Variants in PLEKHG4 observed in about 807,000 individuals in gnomAD.
The protein encoded by PLEKHG4 is pleckstrin homology and RhoGEF domain containing G4, also known as puratrophin-1.
In PLEKHG4, 85 loss-of-function variants were observed where a neutral mutation model predicts 136.9. The ratio of observed to expected loss-of-function variants is 0.62; its 90% confidence interval spans 0.52 to 0.74. The LOEUF is 0.74. Ranked by LOEUF, PLEKHG4 falls within the 30% of genes least tolerant of loss-of-function variation. The pLI, the probability that PLEKHG4 is intolerant of heterozygous loss-of-function variation, is 0.00. For synonymous variants in PLEKHG4, 577 were observed against 646.9 expected, an observed-to-expected ratio of 0.89 and a Z score of 1.64; for missense variants, 1,317 against 1,527.8, an observed-to-expected ratio of 0.86 and a Z score of 2.30.
intron 6 of PLEKHG4, 30 bp from the exon 7 acceptor site, chr16:67,281,694 C>T: frequency 6.2e-7 from 1 of 1,612,882 alleles, no homozygotes; most frequent in South Asian, 1.1e-5. Flanking sequence ...TCCCCCCAGG[C>T]CTGGGTCACA....
In PLEKHG4 at chr16:67,288,168, A is replaced by G. The variant is rs2036570603; in HGVS notation, c.3222A>G (p.Glu1074=). Residue 1074 remains glutamate (E), a splice_region_variant and synonymous_variant, in exon 20 of 22, where the codon GAA becomes GAG. Coordinates refer to ENST00000379344, the MANE Select transcript of PLEKHG4 (RefSeq NM_001129729.3). ...RTVNYVLKCR[E]VRSRASIAVA... ...AACCTGACCCTCTCTCTTATGCAGA[A>G]GTTCGCTCTCGGGCGTCCATTGCCG... The G allele has an allele frequency of 6.2e-7, 1 of 1,613,682 alleles. No individual in the cohort carries two copies. The highest frequency in any genetic ancestry group is 1.3e-5 in the African/African-American group (1 of 75,000).
In PLEKHG4 at chr16:67,286,520, T is replaced by C. The variant is rs2036476046; in HGVS notation, c.2608T>C (p.Tyr870His). 6.3e-7 allele frequency: 1 copy of C among 1,587,780 alleles called. No homozygotes were observed. Among genetic ancestry groups the C allele is most frequent in the East Asian group, 2.3e-5 (1 of 43,680 alleles). Residue 870 changes from tyrosine (Y) to histidine (H), a missense_variant, in exon 16 of 22, where the codon TAC (tyrosine) becomes CAC (histidine). Transcript: ENST00000379344. ...AAAGCCCATCCAGCGCATGGGCAAG[T>C]ACGCACTGCTGCTGCAGGAGCTGGC... ...LLKPIQRMGK[Y>H]ALLLQELARA...
chr16:67,285,324 G>T lies in PLEKHG4; in HGVS notation c.2230G>T (p.Glu744Ter). The change falls in exon 14 of 22, where the codon GAG becomes TAG. Residue 744 changes from glutamate to a stop codon, truncating the protein, a stop_gained. Coordinates refer to ENST00000379344, the MANE Select transcript of PLEKHG4 (RefSeq NM_001129729.3). LOFTEE classifies it high-confidence loss of function. Reference protein sequence around the residue: ...QLVLAEMVATEREYVRALEYT... With the variant: ...QLVLAEMVAT ...GGTGCTGGCAGAGATGGTGGCCACG[G>T]AGCGGGAGTATGTCCGGGCTCTAGA... is the stretch of plus-strand genomic sequence containing the variant. The T allele has an allele frequency of 2.5e-6, 4 of 1,614,184 alleles. No individual in the cohort carries two copies. The highest frequency in any genetic ancestry group is 3.4e-6 in the Non-Finnish European group (4 of 1,180,034).
At chr16:67,287,520 C>T in intron 18 of PLEKHG4, 2 of 491,738 alleles carry the variant, frequency 4.1e-6, no homozygotes, top group South Asian at 2.1e-5. Flanking sequence ...CCACCTAAGC[C>T]TCCCAAGTAG....
chr16:67,285,693 G>A (rs2036438746), intron 14 of PLEKHG4, among the ~76,000 whole-genome samples, 157 bp downstream of exon 14: 1 of 152,258 alleles, frequency 6.6e-6, no homozygotes, highest in African/African-American at 2.4e-5. Flanking sequence ...CAGTAGAGGA[G>A]ACATAGAAGC....
In PLEKHG4 at chr16:67,284,124, T is replaced by A; in HGVS notation, c.1510-151T>A. ...GAACTTTGGCTGTGGAGAAGGGGAG[T>A]GGATGTGGGTGGGGAGTAGGAGATA... On this transcript the variant is annotated intron_variant, in intron 11 of 21. Coordinates refer to ENST00000379344, the MANE Select transcript of PLEKHG4 (RefSeq NM_001129729.3). This position sits in a 1 kb window ranked among gnomAD's most constrained non-coding sequence, Gnocchi z 4.4. 1 of 648,462 alleles carries A rather than the reference T, an allele frequency of 1.5e-6. No homozygotes were observed. Among genetic ancestry groups the A allele is most frequent in the Non-Finnish European group, 2.6e-6 (1 of 379,130 alleles). The allele number at this position is 648,462 out of a possible 1,614,324, so 40.2% of individuals were successfully genotyped here.
At position 67,284,220 on chromosome 16, in the gene PLEKHG4, C is replaced by A; in HGVS notation, c.1510-55C>A. On this transcript the variant is annotated intron_variant, in intron 11 of 21. Coordinates refer to ENST00000379344, the MANE Select transcript of PLEKHG4 (RefSeq NM_001129729.3). The surrounding 1 kb of genome is among the most constrained non-coding windows in gnomAD (Gnocchi z 4.4). ...ATATGTCAGCAGGAAGTATCTGAGTCTGGGGGCTAGACCGCCAGGCCTGGG... is the reference window on the plus strand; with the variant it reads ...ATATGTCAGCAGGAAGTATCTGAGTATGGGGGCTAGACCGCCAGGCCTGGG... The A allele has an allele frequency of 1.3e-6, 2 of 1,517,808 alleles. No individual in the cohort carries two copies. Among genetic ancestry groups the A allele is most frequent in the South Asian group, 1.2e-5 (1 of 86,786 alleles). The allele number at this position is 1,517,808 out of a possible 1,614,324, so 94.0% of individuals were successfully genotyped here.
In PLEKHG4 at chr16:67,286,348, G is replaced by T. The variant is rs771059334; in HGVS notation, c.2517G>T (p.Gly839=). Residue 839 remains glycine (G), a synonymous_variant, in exon 15 of 22, where the codon GGG becomes GGT. Transcript: ENST00000379344. ...PRSDALMSSY[G]HTFFKDKQQA... is the part of the protein sequence containing the mutation. ...CCGATGCCCTGATGTCAAGCTATGG[G>T]CACACCTTCTTCAAGGTAAGTGAAC... 1.3e-5 allele frequency: 21 copies of T among 1,613,564 alleles called. No individual in the cohort carries two copies. The African/African-American group carries it at 2.5e-4, about 19-fold the overall frequency.
chr16:67,281,708 C>G lies in PLEKHG4; in HGVS notation c.892-16C>G, dbSNP rs201715302. 2 of 1,613,726 alleles carry G rather than the reference C, an allele frequency of 1.2e-6. No homozygotes were observed. Among genetic ancestry groups the G allele is most frequent in the South Asian group, 2.2e-5 (2 of 91,082 alleles). The stretch of plus-strand genomic sequence containing the variant: ...CTCCCCCCAGGCCTGGGTCACAACA[C>G]CTTCTTCTCCTGTAGCTGGAGCAGT... On this transcript the variant is annotated splice_polypyrimidine_tract_variant and intron_variant, in intron 6 of 21. Coordinates refer to ENST00000379344, the MANE Select transcript of PLEKHG4 (RefSeq NM_001129729.3).
chr16:67,284,871 C>G lies in PLEKHG4; in HGVS notation c.1851C>G (p.Gly617=). ...RKMWALATGL[G]SEAIRQECRW... ...TGTGGGCTCTGGCCACGGGGCTGGGCTCAGAGGCCATCCGCCAGGAGTGCC... is the reference window on the plus strand; with the variant it reads ...TGTGGGCTCTGGCCACGGGGCTGGGGTCAGAGGCCATCCGCCAGGAGTGCC... Residue 617 remains glycine, a synonymous_variant, in exon 13 of 22, where the codon GGC becomes GGG. Transcript: ENST00000379344. The surrounding 1 kb of genome is among the most constrained non-coding windows in gnomAD (Gnocchi z 4.4). 6.2e-7 allele frequency: 1 copy of G among 1,612,946 alleles called. No homozygotes were observed.
intron 1 of PLEKHG4, 38 bp downstream of exon 1, chr16:67,279,664 A>C: frequency 5.9e-6 from 1 of 170,032 alleles, no homozygotes; most frequent in Non-Finnish European, 1.3e-5. Flanking sequence ...GGCGCGCGGT[A>C]GGCCCTGCAA....
rs1483048112 is a variant in PLEKHG4, at chr16:67,288,242, T to A, written c.3296T>A (p.Leu1099His). The A allele has an allele frequency of 6.2e-7, 1 of 1,613,846 alleles. No homozygotes were observed. Among genetic ancestry groups the A allele is most frequent in the African/African-American group, 1.3e-5 (1 of 74,932 alleles). Residue 1099 changes from leucine to histidine, a missense_variant, in exon 20 of 22, where the codon CTT becomes CAT. Physicochemically the swap from Leu to His is moderately conservative, Grantham distance 99. Transcript: ENST00000379344. ...CTCTACCTGGGGGCCTCGAACTCCC[T>A]TCCTGGAGACCCTGCCTCTTGCTCT... is the stretch of plus-strand genomic sequence containing the variant. ...DSLYLGASNS[L>H]PGDPASCSVL... is the part of the protein sequence containing the mutation.
rs747705363 is a variant in PLEKHG4 at position 67,285,384 on chromosome 16, C to A, written c.2290C>A (p.Arg764Ser). 1 of 1,614,228 alleles carries A rather than the reference C, an allele frequency of 6.2e-7. No homozygotes were observed. The highest frequency in any genetic ancestry group is 1.7e-5 in the Admixed American group (1 of 60,026). Reference protein sequence around the residue: ...TMENYFPELDRPDVPQGLRGQ... With the variant: ...TMENYFPELDSPDVPQGLRGQ... ...GGAGAACTATTTCCCCGAGCTGGATCGCCCCGATGTGCCCCAGGGCCTCCG... is the reference window on the plus strand; with the variant it reads ...GGAGAACTATTTCCCCGAGCTGGATAGCCCCGATGTGCCCCAGGGCCTCCG... The change falls in exon 14 of 22, where the codon CGC (arginine) becomes AGC (serine). Residue 764 changes from arginine to serine, a missense_variant. Transcript: ENST00000379344.
Position 67,282,604 on chromosome 16 carries a change from TC to T in PLEKHG4, c.1357del (p.Gln453LysfsTer64). The T allele has an allele frequency of 6.2e-7, 1 of 1,613,994 alleles. No individual in the cohort carries two copies. The highest frequency in any genetic ancestry group is 8.5e-7 in the Non-Finnish European group (1 of 1,180,036). On this transcript the variant is annotated frameshift_variant, in exon 10 of 22. Coordinates refer to ENST00000379344, the MANE Select transcript of PLEKHG4 (RefSeq NM_001129729.3). LOFTEE classifies it high-confidence loss of function. Reference sequence around the variant, plus strand: ...CAGCGAATACAGGCCCTAGAGTTGGTCCAAACACTGGAGGCCCGGGAAAGCG... The same window carrying T: ...CAGCGAATACAGGCCCTAGAGTTGGTCAAACACTGGAGGCCCGGGAAAGCG... ...SNQRIQALEL[V>X]QTLEARESGL...
intron 21 of PLEKHG4, 46 bp downstream of exon 21, chr16:67,288,650 G>A (rs944072805): frequency 1.2e-6 from 2 of 1,611,888 alleles, no homozygotes; most frequent in Admixed American, 3.3e-5. Context: ...CCCAGCCCAA[G>A]CTGAGCCTGT....
In PLEKHG4 at chr16:67,284,335, C is replaced by G. The variant is rs1478602714; in HGVS notation, c.1570C>G (p.Leu524Val). The G allele has an allele frequency of 1.9e-6, 3 of 1,613,756 alleles. No homozygotes were observed. The highest frequency in any genetic ancestry group is 2.5e-6 in the Non-Finnish European group (3 of 1,179,928). ...GCTGACTGGCTGGGAGGCGGCTGAA[C>G]TGGACCCCCCTGGGGCACGCTTTCT... ...QPLTGWEAAE[L>V]DPPGARFLAL... Residue 524 changes from leucine (L) to valine (V), a missense_variant, in exon 12 of 22, where the codon CTG becomes GTG. Physicochemically the swap from Leu to Val is conservative, Grantham distance 32 (BLOSUM62 1). Coordinates refer to ENST00000379344, the MANE Select transcript of PLEKHG4 (RefSeq NM_001129729.3). This position sits in a 1 kb window ranked among gnomAD's most constrained non-coding sequence, Gnocchi z 4.4.
In PLEKHG4 at chr16:67,281,645, G is replaced by T. The variant is rs1396679654; in HGVS notation, c.891+1G>T. ...GAAGGAAGTGCCTTCCGGGCTGCAGGTACTAAGCCCAGTTGGCTAGGGGTA... is the reference window on the plus strand; with the variant it reads ...GAAGGAAGTGCCTTCCGGGCTGCAGTTACTAAGCCCAGTTGGCTAGGGGTA... On this transcript the variant is annotated splice_donor_variant, in intron 6 of 21. Transcript: ENST00000379344. LOFTEE classifies it high-confidence loss of function. 1 of 1,613,820 alleles carries T rather than the reference G, an allele frequency of 6.2e-7. No individual in the cohort carries two copies. The highest frequency in any genetic ancestry group is 8.5e-7 in the Non-Finnish European group (1 of 1,179,750).
chr16:67,280,544 G>A lies in PLEKHG4; in HGVS notation c.499+1G>A. ...GAAATATCAAAGCTGCTGGAGGCAG[G>A]TAAGGAAGGCTGGGCTAGGGAAGTC... On this transcript the variant is annotated splice_donor_variant, in intron 2 of 21. Transcript: ENST00000379344. LOFTEE classifies it high-confidence loss of function. The surrounding 1 kb of genome is among the most constrained non-coding windows in gnomAD (Gnocchi z 4.4). 1 of 1,613,112 alleles carries A rather than the reference G, an allele frequency of 6.2e-7. No individual in the cohort carries two copies. The highest frequency in any genetic ancestry group is 8.5e-7 in the Non-Finnish European group (1 of 1,179,904).
At position 67,282,197 on chromosome 16, in the gene PLEKHG4, A is replaced by G; in HGVS notation, c.1105-4A>G. On this transcript the variant is annotated splice_polypyrimidine_tract_variant and splice_region_variant and intron_variant, in intron 8 of 21. Coordinates refer to ENST00000379344, the MANE Select transcript of PLEKHG4 (RefSeq NM_001129729.3). ...CCTCCACAGCTTATTGCCCTCAATC[A>G]CAGGAGGTCGGTCAGCTGCTACAGC... 1 of 1,613,512 alleles carries G rather than the reference A, an allele frequency of 6.2e-7. No homozygotes were observed. Among genetic ancestry groups the G allele is most frequent in the South Asian group, 1.1e-5 (1 of 91,076 alleles).
Sources: allele counts gnomAD v4.1 joint callset (sites outside exome capture counted in the v4.1 genomes callset), GRCh38; gene constraint gnomAD v4.1.1; non-coding constraint Gnocchi (gnomAD v3.1); transcripts MANE v1.5; gene names NCBI Gene and HGNC (gene_info 2026-07-23, HGNC 2026-07-21).